The following TET2 variants were observed in gnomAD, a reference collection of about 807,000 sequenced individuals.
The protein encoded by TET2 is methylcytosine dioxygenase TET2.
Under a neutral mutation model 142.9 loss-of-function variants are expected in TET2, and 299 were observed. The observed-to-expected ratio is 2.09, with a 90% confidence interval of 1.90 to 2.30. The LOEUF (loss-of-function observed/expected upper bound fraction) is 2.30, where lower values mean the gene tolerates loss of function less well. Among genes scored for constraint, TET2 ranks in the 30% most tolerant of loss-of-function variants. TET2 has a pLI of 0.00. For missense variants in TET2, 2,418 were observed against 2,378.0 expected (o/e 1.02, Z -0.35); for synonymous variants, 819 against 849.0 (o/e 0.96, Z 0.61).
chr4:105,231,757 T>C (rs536882059), intron 2 of TET2, among the ~76,000 whole-genome samples: 1 of 152,326 alleles, frequency 6.6e-6, no homozygotes, highest in South Asian at 2.1e-4. Context: ...ATAAATGTAA[T>C]GAGAAAGACT....
chr4:105,154,830 G>A (rs1316001298), intron 1 of TET2, among the ~76,000 whole-genome samples: 4 of 152,144 alleles, frequency 2.6e-5, no homozygotes, highest in Non-Finnish European at 5.9e-5. Context: ...TTGGAGACAA[G>A]CCTGGGCAAC....
intron 1 of TET2, among the ~76,000 whole-genome samples, chr4:105,189,061 G>A (rs991615607): frequency 1.1e-4 from 16 of 151,874 alleles, no homozygotes; most frequent in African/African-American, 3.1e-4. Flanking sequence ...AAATTTTAAC[G>A]TATGGCTTTT....
intron 1 of TET2, among the ~76,000 whole-genome samples, chr4:105,160,148 T>G (rs527427095): frequency 6.6e-6 from 1 of 152,318 alleles, no homozygotes; most frequent in Non-Finnish European, 1.5e-5. Flanking sequence ...TATACCTGCC[T>G]CTCCCCTTTC....
At chr4:105,190,698 T>TA in intron 2 of TET2, 193 bp downstream of exon 2, 1 of 491,286 alleles carries the variant, frequency 2.0e-6, no homozygotes. Context: ...TGTACTGACT[T>TA]ATGTATAGCT....
At chr4:105,172,780 A>G (rs1007242450) in intron 1 of TET2, among the ~76,000 whole-genome samples, 6 of 152,246 alleles carry the variant, frequency 3.9e-5, no homozygotes, top group East Asian at 1.9e-4. Context: ...GAGAATACTA[A>G]TGGTCTTACA....
intron 2 of TET2, among the ~76,000 whole-genome samples, chr4:105,206,579 G>GA (rs1009903688): frequency 2.0e-5 from 3 of 152,190 alleles, no homozygotes; most frequent in African/African-American, 7.2e-5. Context: ...CTCCACAACT[G>GA]ACTTTAAAAG....
At chr4:105,258,374 C>T (rs1027924178) in intron 6 of TET2, among the ~76,000 whole-genome samples, 1 of 152,122 alleles carries the variant, frequency 6.6e-6, no homozygotes, top group Non-Finnish European at 1.5e-5. Context: ...GACTTTTCCT[C>T]ATCAACCGTT....
intron 1 of TET2, among the ~76,000 whole-genome samples, chr4:105,182,570 C>G (rs1725182436): frequency 6.6e-6 from 1 of 152,154 alleles, no homozygotes; most frequent in Non-Finnish European, 1.5e-5. Context: ...TTTTAACAAA[C>G]CAGGTAAACA....
chr4:105,188,384 A>G (rs552905683), intron 1 of TET2, among the ~76,000 whole-genome samples: 3 of 152,292 alleles, frequency 2.0e-5, no homozygotes, highest in African/African-American at 7.2e-5. Context: ...ATGGGAAGTT[A>G]TTGTTTAATG....
At chr4:105,184,096 G>A (rs1725282467) in intron 1 of TET2, among the ~76,000 whole-genome samples, 2 of 152,152 alleles carry the variant, frequency 1.3e-5, no homozygotes, top group African/African-American at 4.8e-5. Flanking sequence ...GCCAGTGTCA[G>A]AATGTCGTGA....
chr4:105,248,311 A>C (rs1051172557), intron 6 of TET2, among the ~76,000 whole-genome samples: 1 of 152,018 alleles, frequency 6.6e-6, no homozygotes, highest in African/African-American at 2.4e-5. Context: ...ATGTTGTGTA[A>C]ATTTAGTTAT....
Position 105,234,238 on chromosome 4 carries a change from G to T in TET2, c.296G>T (p.Ser99Ile), listed in dbSNP as rs1380615225. 6.2e-7 allele frequency: 1 copy of T among 1,614,160 alleles called. No homozygotes were observed. Among genetic ancestry groups the T allele is most frequent in the South Asian group, 1.1e-5 (1 of 91,086 alleles). The change falls in exon 3 of 11, where the codon AGT (serine) becomes ATT (isoleucine). Residue 99 changes from serine to isoleucine, a missense_variant. Physicochemically the swap from Ser to Ile is moderately radical, Grantham distance 142. Coordinates refer to ENST00000380013, the MANE Select transcript of TET2 (RefSeq NM_001127208.3). ...AATGGAGGAATAAAACGCACAGTTA[G>T]TGAACCTTCTCTCTCTGGGCTCCTT... is the stretch of plus-strand genomic sequence containing the variant. Reference protein sequence around the residue: ...LQNGGIKRTVSEPSLSGLLQI... With the variant: ...LQNGGIKRTVIEPSLSGLLQI...
chr4:105,220,081 C>T (rs1275134609), intron 2 of TET2, among the ~76,000 whole-genome samples: 3 of 152,120 alleles, frequency 2.0e-5, no homozygotes, highest in East Asian at 1.9e-4. Flanking sequence ...AATAAATATT[C>T]GTTGCATGAA....
rs995193093 is a variant in TET2 at position 105,190,420 on chromosome 4, A to G, written c.-132A>G. 48 of 699,982 alleles carry G rather than the reference A, an allele frequency of 6.9e-5. No homozygotes were observed. The African/African-American group carries it at 8.2e-4, about 12-fold the overall frequency. 43.4% of individuals were successfully genotyped at this position (699,982 alleles called of 1,614,324 possible). A position where few individuals can be genotyped will look rare whatever the true frequency, so the allele number is the denominator to read the frequency against. On this transcript the variant is annotated 5_prime_UTR_variant, in exon 2 of 11. Transcript: ENST00000380013. ...TGTTTACTTGCCTTTGCTCCTGTTG[A>G]GTTACAACGCTTGGAAGCAGGAGAT...
At chr4:105,253,236 G>T (rs1729957834) in intron 6 of TET2, among the ~76,000 whole-genome samples, 1 of 152,028 alleles carries the variant, frequency 6.6e-6, no homozygotes, top group African/African-American at 2.4e-5. Flanking sequence ...AATCTTGCAG[G>T]AATTTTGATA....
At position 105,253,716 on chromosome 4, in the gene TET2, C is replaced by T. The variant is rs746964176; in HGVS notation, c.3804-5903C>T. 9.1e-4 allele frequency among the ~76,000 whole-genome samples: 139 copies of T among 152,072 alleles called. 1 individual carries two copies. The highest frequency in any genetic ancestry group is 3.4e-3 in the Middle Eastern group (1 of 294). On this transcript the variant is annotated intron_variant, in intron 6 of 10. Transcript: ENST00000380013. ...TGAGAGGCAACATACTTGCCTTGTTCCTGATCTCAGCAGGAAATCTTCAAT... is the reference window on the plus strand; with the variant it reads ...TGAGAGGCAACATACTTGCCTTGTTTCTGATCTCAGCAGGAAATCTTCAAT...
At chr4:105,241,594 G>C (rs1216464600) in intron 4 of TET2, 165 bp downstream of exon 4, 41 of 1,366,614 alleles carry the variant, frequency 3.0e-5, no homozygotes, top group Non-Finnish European at 1.9e-6. Flanking sequence ...CTATTCACCA[G>C]AGAGTCACAA....
rs534893882 is a variant in TET2 at position 105,163,733 on chromosome 4, C to T, written c.-193+16754C>T. ...TGCAAATCTCCATTGTCTCTTTGTT[C>T]GTAATCAATGTAAATCAACTCTTAA... On this transcript the variant is annotated intron_variant, in intron 1 of 10. Transcript: ENST00000380013. Among the ~76,000 whole-genome samples the T allele has an allele frequency of 6.0e-5, 9 of 150,694 alleles. No homozygotes were observed. The East Asian group carries it at 1.6e-3, about 26-fold the overall frequency.
At chr4:105,155,956 G>C (rs1334895210) in intron 1 of TET2, among the ~76,000 whole-genome samples, 4 of 152,238 alleles carry the variant, frequency 2.6e-5, no homozygotes, top group African/African-American at 9.6e-5. Context: ...GTGTAGTGAT[G>C]GTTATGGAAA....
Sources: gnomAD v4.1 joint callset for allele counts (sites outside exome capture counted in the v4.1 genomes callset) on GRCh38, gnomAD v4.1.1 for gene constraint, MANE v1.5 for transcripts, NCBI Gene and HGNC (gene_info 2026-07-23, HGNC 2026-07-21) for gene names.